ODF2: variants seen among roughly 807,000 people sequenced by gnomAD.
ODF2 encodes the protein outer dense fiber protein 2.
A neutral mutation model predicts 110.2 loss-of-function variants in ODF2; 47 were observed. The observed-to-expected ratio is 0.43, with a 90% CI of 0.34 to 0.54. ODF2 has a LOEUF of 0.54. Among genes scored for constraint, ODF2 ranks in the 20% least tolerant of loss-of-function variants. The pLI, the probability that ODF2 is intolerant of heterozygous loss-of-function variation, is 0.03. For missense variants in ODF2, 812 were observed against 1,054.5 expected (o/e 0.77, Z 3.19); for synonymous variants, 352 against 397.7 (o/e 0.89, Z 1.37).
In ODF2 at chr9:128,459,625, G is replaced by A. The variant is rs149629638; in HGVS notation, c.91G>A (p.Ala31Thr). Residue 31 changes from alanine (A) to threonine (T), a missense_variant, in exon 3 of 21, where the codon GCA becomes ACA. Physicochemically the swap from Ala to Thr is moderately conservative, Grantham distance 58 (BLOSUM62 0). Coordinates refer to ENST00000604420, the Ensembl canonical transcript of ODF2. The stretch of plus-strand genomic sequence containing the variant: ...TCTCACGCAGAAAAAGGTCTTGAGA[G>A]CACCTTGTGGCGCACCCAGTGTAAC... The A allele has an allele frequency of 2.5e-6, 4 of 1,613,892 alleles. No individual in the cohort carries two copies. The African/African-American group carries it at 5.3e-5, about 22-fold the overall frequency.
chr9:128,497,444 AAAATATATAT>A (rs1845791703), intron 18 of ODF2: 2 of 72,256 alleles, frequency 2.8e-5, no homozygotes, highest in East Asian at 4.8e-4. Context: ...AAAAAAAAAA[AAAATATATAT>A]ATATATATAT....
At chr9:128,455,553 C>CAAAAAA (rs55634490), upstream of ODF2, among the ~76,000 whole-genome samples, 1 of 56,846 alleles carries the variant, frequency 1.8e-5, no homozygotes, top group East Asian at 5.5e-4. Context: ...GAATCTGTCT[C>CAAAAAA]AAAAAAAAAA....
At chr9:128,492,501 A>G in exon 15 of ODF2, 2 of 1,613,844 alleles carry the variant, frequency 1.2e-6, no homozygotes, top group Non-Finnish European at 1.7e-6. Flanking sequence ...CTCAGTGAAG[A>G]ACTATGAGGG....
In ODF2 at chr9:128,473,043, G is replaced by A; in HGVS notation, c.711+1G>A. 1.9e-6 allele frequency: 3 copies of A among 1,613,248 alleles called. No homozygotes were observed. Among genetic ancestry groups the A allele is most frequent in the Non-Finnish European group, 2.5e-6 (3 of 1,179,300 alleles). The stretch of plus-strand genomic sequence containing the variant: ...GGATACCATCGGGAAGCTGAAAACA[G>A]TAGGTGGCAGGTGGCAGGACCCCAG... On this transcript the variant is annotated splice_donor_variant, in intron 7 of 20. Transcript: ENST00000604420. LOFTEE classifies it high-confidence loss of function.
At chr9:128,459,696 C>G in intron 3 of ODF2, 39 bp downstream of exon 2, 1 of 1,530,914 alleles carries the variant, frequency 6.5e-7, no homozygotes, top group South Asian at 1.1e-5. Flanking sequence ...CTTTGGTCAC[C>G]TTGCTAAAAA....
intron 2 of ODF2, among the ~76,000 whole-genome samples, chr9:128,457,878 GC>G (rs1050808274): frequency 6.6e-6 from 1 of 151,440 alleles, no homozygotes; most frequent in African/African-American, 2.4e-5. Context: ...AGGGAAAAAA[GC>G]CTGTCTTCTC....
chr9:128,485,243 G>A lies in ODF2; in HGVS notation c.1291-122G>A. ...TGCTTCCAGCGCCCTCTAGAAAGGT[G>A]AATTCCAGAATGAGGTTTAGGTTAC... On this transcript the variant is annotated intron_variant, in intron 12 of 20. Coordinates refer to ENST00000604420, the Ensembl canonical transcript of ODF2. The surrounding 1 kb of genome is among the most constrained non-coding windows in gnomAD (Gnocchi z 5.0). 1 of 632,998 alleles carries A rather than the reference G, an allele frequency of 1.6e-6. No individual in the cohort carries two copies. Among genetic ancestry groups the A allele is most frequent in the Non-Finnish European group, 2.8e-6 (1 of 353,174 alleles). The allele number at this position is 632,998 out of a possible 1,614,324, so 39.2% of individuals were successfully genotyped here.
chr9:128,465,987 A>C (rs944234334), intron 4 of ODF2, among the ~76,000 whole-genome samples: 8 of 151,712 alleles, frequency 5.3e-5, no homozygotes, highest in African/African-American at 1.9e-4. Context: ...TAAAAATACA[A>C]AAATTACCCT....
chr9:128,488,948 A>C (rs1444863470), intron 14 of ODF2, among the ~76,000 whole-genome samples: 1 of 152,028 alleles, frequency 6.6e-6, no homozygotes, highest in African/African-American at 2.4e-5. Flanking sequence ...TGGAGGTTGC[A>C]GTGAGCCGAG....
At chr9:128,496,706 G>A (rs141507509) in intron 18 of ODF2, among the ~76,000 whole-genome samples, 4,632 of 150,260 alleles carry the variant, frequency 0.031, 97 homozygotes, top group Middle Eastern at 0.068. Flanking sequence ...AAAGGGTCAA[G>A]GTAGAGTTTA....
chr9:128,485,004 T>G lies in ODF2; in HGVS notation c.1290+118T>G, dbSNP rs1843103756. 1.8e-6 allele frequency: 2 copies of G among 1,096,366 alleles called. No homozygotes were observed. Among genetic ancestry groups the G allele is most frequent in the African/African-American group, 1.6e-5 (1 of 63,524 alleles). The allele number at this position is 1,096,366 out of a possible 1,614,324, so 67.9% of individuals were successfully genotyped here. A position where few individuals can be genotyped will look rare whatever the true frequency, so the allele number is the denominator to read the frequency against. ...GTGGGTGGATGAGGGATGGTAGTGG[T>G]GGAAAGGATAGATGGCTGGGGAGGA... On this transcript the variant is annotated intron_variant, in intron 12 of 20. Transcript: ENST00000604420. The surrounding 1 kb of genome is among the most constrained non-coding windows in gnomAD (Gnocchi z 5.0).
upstream of ODF2, chr9:128,456,077 G>T (rs931484311): frequency 5.9e-6 from 9 of 1,536,670 alleles, no homozygotes; most frequent in Non-Finnish European, 7.9e-6. Context: ...CTCCCGGGGG[G>T]GTTTGAACTG....
At chr9:128,482,874 T>C (rs1436652012) in exon 10 of ODF2, 1 of 1,578,958 alleles carries the variant, frequency 6.3e-7, no homozygotes, top group East Asian at 2.2e-5. Context: ...CTTCAGGAAA[T>C]ACAATGTGAG....
chr9:128,484,051 T>TA lies in ODF2; in HGVS notation c.1103dup (p.Asn369GlufsTer10), dbSNP rs753248113. ...AGAACAGTCGCCTGTGCATGCAGATTAAGGTACCTATTGGCCCCACAAGTG... is the reference window on the plus strand; with the variant it reads ...AGAACAGTCGCCTGTGCATGCAGATTAAAGGTACCTATTGGCCCCACAAGTG... On this transcript the variant is annotated frameshift_variant, in exon 11 of 21. Coordinates refer to ENST00000604420, the Ensembl canonical transcript of ODF2. LOFTEE classifies it high-confidence loss of function. The TA allele has an allele frequency of 1.9e-6, 3 of 1,607,336 alleles. No homozygotes were observed. The highest frequency in any genetic ancestry group is 1.7e-6 in the Non-Finnish European group (2 of 1,177,558).
At chr9:128,471,528 C>T in intron 6 of ODF2, 60 bp downstream of exon 6, 5 of 1,558,228 alleles carry the variant, frequency 3.2e-6, no homozygotes, top group Non-Finnish European at 4.3e-6. Context: ...CTGCCTTGAG[C>T]CCTGGGCAAT....
chr9:128,476,858 C>T (rs544185809), intron 8 of ODF2, among the ~76,000 whole-genome samples: 4 of 151,488 alleles, frequency 2.6e-5, no homozygotes, highest in East Asian at 2.0e-4. Context: ...AGGCTGGTCT[C>T]GAACTCCTAA....
chr9:128,456,343 C>G, intron 1 of ODF2, 88 bp downstream of exon 1: 1 of 1,441,476 alleles, frequency 6.9e-7, no homozygotes, highest in Non-Finnish European at 9.0e-7. Context: ...GCGGTCGACC[C>G]CGCGGGGCCG....
At chr9:128,469,597 T>C (rs1839197680) in intron 5 of ODF2, 1 of 513,692 alleles carries the variant, frequency 1.9e-6, no homozygotes, top group African/African-American at 1.9e-5. Context: ...GTGGTCCAAT[T>C]TGAATTTTTA....
At chr9:128,475,932 C>A (rs1377088861) in intron 8 of ODF2, among the ~76,000 whole-genome samples, 1 of 152,062 alleles carries the variant, frequency 6.6e-6, no homozygotes, top group Non-Finnish European at 1.5e-5. Flanking sequence ...GGGTAAGCCA[C>A]CGCGCCCGGC....
Sources: allele counts gnomAD v4.1 joint callset (sites outside exome capture counted in the v4.1 genomes callset), GRCh38; gene constraint gnomAD v4.1.1; non-coding constraint Gnocchi (gnomAD v3.1); transcripts MANE v1.5; gene names NCBI Gene and HGNC (gene_info 2026-07-23, HGNC 2026-07-21).